RORA: variants seen among roughly 807,000 people sequenced by gnomAD.
RORA encodes the protein nuclear receptor ROR-alpha.
In RORA, 7 loss-of-function variants were observed where a neutral mutation model predicts 69.5. The observed-to-expected ratio is 0.10, with a 90% confidence interval of 0.06 to 0.19. RORA has a LOEUF of 0.19. Among genes scored for constraint, RORA ranks in the 10% least tolerant of loss-of-function variants. The pLI is 1.00. For missense variants in RORA, 457 were observed against 663.0 expected (o/e 0.69, Z 3.41); for synonymous variants, 261 against 240.8 (o/e 1.08, Z -0.78).
chr15:61,198,370 T>G (rs1010784775), intron 1 of RORA, among the ~76,000 whole-genome samples: 2 of 152,176 alleles, frequency 1.3e-5, no homozygotes, highest in African/African-American at 4.8e-5. Context: ...ACTTGAGTGC[T>G]GATGATTTAC....
At chr15:61,164,041 C>T (rs2079519709) in intron 1 of RORA, among the ~76,000 whole-genome samples, 1 of 152,048 alleles carries the variant, frequency 6.6e-6, no homozygotes, top group African/African-American at 2.4e-5. Context: ...AAAGCACACA[C>T]AAGATCTTAC....
chr15:60,698,866 C>T (rs575129197), intron 1 of RORA, among the ~76,000 whole-genome samples: 9 of 152,098 alleles, frequency 5.9e-5, no homozygotes, highest in South Asian at 4.2e-4. Context: ...GTTTTGTCTG[C>T]ATTTTTAAAA....
At chr15:61,126,959 G>A (rs970446338) in intron 1 of RORA, among the ~76,000 whole-genome samples, 11 of 152,216 alleles carry the variant, frequency 7.2e-5, no homozygotes, top group African/African-American at 2.7e-4. Flanking sequence ...AGAACAAATT[G>A]CCCTGGGAGA....
intron 1 of RORA, among the ~76,000 whole-genome samples, chr15:61,033,041 G>A (rs1216943457): frequency 6.6e-6 from 1 of 152,136 alleles, no homozygotes; most frequent in East Asian, 1.9e-4. Flanking sequence ...ACAGAGCGGG[G>A]AACAGATTCA....
At chr15:61,000,302 G>T (rs547376932) in intron 1 of RORA, among the ~76,000 whole-genome samples, 2 of 152,292 alleles carry the variant, frequency 1.3e-5, no homozygotes, top group African/African-American at 2.4e-5. Context: ...GCTTACACAG[G>T]TTTACCTAAG....
intron 1 of RORA, among the ~76,000 whole-genome samples, chr15:60,680,958 G>A (rs1220562812): frequency 2.6e-5 from 4 of 152,114 alleles, no homozygotes; most frequent in Non-Finnish European, 5.9e-5. Flanking sequence ...ATACGACTGT[G>A]CATGATATTT....
intron 1 of RORA, among the ~76,000 whole-genome samples, chr15:60,892,521 C>A (rs2073823684): frequency 1.3e-5 from 2 of 152,232 alleles, no homozygotes; most frequent in South Asian, 4.1e-4. Flanking sequence ...TTTAAGTGAG[C>A]ACTGTTGGTA....
intron 1 of RORA, among the ~76,000 whole-genome samples, chr15:60,801,287 A>G (rs1019393929): frequency 3.9e-5 from 6 of 152,170 alleles, no homozygotes; most frequent in South Asian, 4.2e-4. Context: ...CTCCTTCGAC[A>G]GCTTTATCCC....
At position 60,948,212 on chromosome 15, in the gene RORA, G is replaced by A. The variant is rs149216009; in HGVS notation, c.167-269526C>T. On this transcript the variant is annotated intron_variant, in intron 1 of 10. Transcript: ENST00000335670. Reference sequence around the variant, plus strand: ...ATGGATGGGGACAAAACTACCTGGAGAGCCTATTTTTTATTCCCAGGCAAA... The same window carrying A: ...ATGGATGGGGACAAAACTACCTGGAAAGCCTATTTTTTATTCCCAGGCAAA... Among the ~76,000 whole-genome samples the A allele has an allele frequency of 5.3e-5, 8 of 151,344 alleles. No homozygotes were observed. In the East Asian group the frequency reaches 1.6e-3, roughly 29 times the overall value.
intron 1 of RORA, among the ~76,000 whole-genome samples, chr15:60,952,033 A>T (rs1893116874): frequency 6.6e-6 from 1 of 150,890 alleles, no homozygotes; most frequent in East Asian, 1.9e-4. Context: ...TTGATGCAAA[A>T]ATCCTCAATA....
intron 1 of RORA, among the ~76,000 whole-genome samples, chr15:61,067,084 T>C (rs939060409): frequency 3.3e-5 from 5 of 151,664 alleles, no homozygotes; most frequent in African/African-American, 9.7e-5. Context: ...ATATTATCTA[T>C]GTATGTATGC....
At chr15:60,596,647 A>G (rs1048213587) in intron 2 of RORA, among the ~76,000 whole-genome samples, 1 of 152,154 alleles carries the variant, frequency 6.6e-6, no homozygotes, top group Non-Finnish European at 1.5e-5. Flanking sequence ...TTACAAATGG[A>G]GTAACACTGG....
chr15:60,909,749 C>A (rs939254225), intron 1 of RORA, among the ~76,000 whole-genome samples: 1 of 152,246 alleles, frequency 6.6e-6, no homozygotes, highest in Non-Finnish European at 1.5e-5. Flanking sequence ...TCTCACCACC[C>A]TTGTTGTTCC....
Position 60,580,902 on chromosome 15 carries a change from T to A in RORA, c.197-49051A>T, listed in dbSNP as rs340001. ...TTTCTTACATCTGAACAACCATGTT[T>A]CTTTACAGCGCCTCTTTTACAAGCA... On this transcript the variant is annotated intron_variant, in intron 2 of 10. Coordinates refer to ENST00000335670, the MANE Select transcript of RORA (RefSeq NM_134261.3). Among the ~76,000 whole-genome samples the A allele has an allele frequency of 4.5e-3, 692 of 152,350 alleles. 4 individuals carry two copies. Among genetic ancestry groups the A allele is most frequent in the African/African-American group, 0.016 (664 of 41,568 alleles).
intron 1 of RORA, among the ~76,000 whole-genome samples, chr15:60,799,252 A>T (rs1480991919): frequency 6.6e-6 from 1 of 152,204 alleles, no homozygotes; most frequent in Non-Finnish European, 1.5e-5. Context: ...CAAAGTTTTC[A>T]TGGGAATCAG....
At chr15:61,069,889 T>C (rs963858748) in intron 1 of RORA, among the ~76,000 whole-genome samples, 4 of 152,296 alleles carry the variant, frequency 2.6e-5, no homozygotes, top group African/African-American at 9.6e-5. Context: ...GCAGGGGTCA[T>C]GTTAGAATAA....
chr15:61,155,918 C>G (rs147818812), intron 1 of RORA, among the ~76,000 whole-genome samples: 1 of 152,134 alleles, frequency 6.6e-6, no homozygotes, highest in Non-Finnish European at 1.5e-5. Context: ...AATGCACACA[C>G]GGGCACTCTG....
intron 2 of RORA, among the ~76,000 whole-genome samples, chr15:60,603,821 C>A (rs1296844827): frequency 2.0e-5 from 3 of 152,146 alleles, no homozygotes; most frequent in Non-Finnish European, 2.9e-5. Flanking sequence ...TCATTTTAAA[C>A]AGTGAGACTT....
intron 1 of RORA, among the ~76,000 whole-genome samples, chr15:61,041,384 G>GA (rs1198375439): frequency 6.7e-6 from 1 of 149,656 alleles, no homozygotes; most frequent in African/African-American, 2.5e-5. Context: ...CATCCTATTA[G>GA]AAAAAAGGAG....
Sources: gnomAD v4.1 joint callset for allele counts (sites outside exome capture counted in the v4.1 genomes callset) on GRCh38, gnomAD v4.1.1 for gene constraint, MANE v1.5 for transcripts, NCBI Gene and HGNC (gene_info 2026-07-23, HGNC 2026-07-21) for gene names.